The following PPM1L variants were observed in gnomAD, a reference collection of about 807,000 sequenced individuals.
The protein encoded by PPM1L is protein phosphatase, Mg2+/Mn2+ dependent 1L.
Under a neutral mutation model 31.4 loss-of-function variants are expected in PPM1L, and 13 were observed. The ratio of observed to expected loss-of-function variants is 0.41; its 90% CI spans 0.27 to 0.66. The LOEUF (loss-of-function observed/expected upper bound fraction) is 0.66. Ranked by LOEUF, PPM1L falls within the 30% of genes least tolerant of loss-of-function variation. PPM1L has a pLI of 0.29. For synonymous variants in PPM1L, 184 were observed against 175.4 expected (o/e 1.05, Z -0.39); for missense variants, 326 against 453.7 (o/e 0.72, Z 2.56).
chr3:160,963,152 A>G (rs1003244627), intron 2 of PPM1L, among the ~76,000 whole-genome samples: 2 of 152,042 alleles, frequency 1.3e-5, no homozygotes, highest in Non-Finnish European at 2.9e-5. Flanking sequence ...CTTATAGATC[A>G]TAGAACTCAT....
intron 1 of PPM1L, among the ~76,000 whole-genome samples, chr3:160,788,187 C>G (rs1405125176): frequency 1.3e-5 from 2 of 152,184 alleles, no homozygotes; most frequent in East Asian, 3.9e-4. Flanking sequence ...AGCATTGAAT[C>G]TGTAAATTGC....
chr3:160,766,012 A>G (rs1715092969), intron 1 of PPM1L, among the ~76,000 whole-genome samples: 1 of 152,196 alleles, frequency 6.6e-6, no homozygotes, highest in African/African-American at 2.4e-5. Context: ...AGTCAAGCCA[A>G]GCTTTGGTTA....
chr3:160,784,349 G>C (rs1055294891), intron 1 of PPM1L, among the ~76,000 whole-genome samples: 1 of 152,110 alleles, frequency 6.6e-6, no homozygotes, highest in Non-Finnish European at 1.5e-5. Flanking sequence ...AATGTGACTT[G>C]ATATTGATAA....
chr3:161,032,128 A>G (rs1559930971), intron 2 of PPM1L, among the ~76,000 whole-genome samples: 1 of 152,170 alleles, frequency 6.6e-6, no homozygotes. Flanking sequence ...GAGATAACCA[A>G]AGGGCTAAAG....
chr3:160,906,937 G>A (rs1023030860), intron 1 of PPM1L, among the ~76,000 whole-genome samples: 1 of 152,192 alleles, frequency 6.6e-6, no homozygotes, highest in African/African-American at 2.4e-5. Context: ...GAGCAAGACA[G>A]AGTACTTAAG....
At chr3:161,022,694 C>T (rs1453156790) in intron 2 of PPM1L, among the ~76,000 whole-genome samples, 9 of 125,138 alleles carry the variant, frequency 7.2e-5, no homozygotes, top group East Asian at 2.4e-4. Context: ...GATGGAGTCT[C>T]GCTCTGTCAC....
At chr3:160,977,469 T>G (rs1166568281) in intron 2 of PPM1L, among the ~76,000 whole-genome samples, 15 of 152,246 alleles carry the variant, frequency 9.9e-5, no homozygotes, top group Admixed American at 9.8e-4. Flanking sequence ...TGCTAATCTT[T>G]GACTTCTGTA....
chr3:161,059,974 C>A (rs1243901257), intron 2 of PPM1L, among the ~76,000 whole-genome samples: 2 of 152,022 alleles, frequency 1.3e-5, no homozygotes, highest in Non-Finnish European at 2.9e-5. Flanking sequence ...GAATCATGAG[C>A]CAATTAAACC....
At chr3:160,842,167 G>T in intron 1 of PPM1L, 1 of 681,548 alleles carries the variant, frequency 1.5e-6, no homozygotes, top group South Asian at 1.6e-5. Flanking sequence ...TGAAATAGTT[G>T]GGGAGGACTC....
chr3:160,771,397 C>T (rs1459309419), intron 1 of PPM1L, among the ~76,000 whole-genome samples: 2 of 151,766 alleles, frequency 1.3e-5, no homozygotes, highest in Non-Finnish European at 2.9e-5. Flanking sequence ...ACAACCACAC[C>T]AGGCTAATTT....
chr3:161,008,545 G>A (rs1717788727), intron 2 of PPM1L, among the ~76,000 whole-genome samples: 1 of 152,132 alleles, frequency 6.6e-6, no homozygotes, highest in Non-Finnish European at 1.5e-5. Context: ...TTGTCTGCTG[G>A]TTTTCAGCAG....
chr3:160,803,547 A>G (rs1025565808), intron 1 of PPM1L, among the ~76,000 whole-genome samples: 27 of 132,934 alleles, frequency 2.0e-4, no homozygotes, highest in Non-Finnish European at 2.9e-4. Context: ...TTGCACAAAT[A>G]ATTTCTGAAT....
At chr3:160,952,802 A>C (rs1715615942) in intron 1 of PPM1L, among the ~76,000 whole-genome samples, 2 of 152,232 alleles carry the variant, frequency 1.3e-5, no homozygotes, top group Admixed American at 6.5e-5. Context: ...CTGAAGCAGA[A>C]GCCCTGTGTG....
At chr3:160,933,125 G>A (rs1322489418) in intron 1 of PPM1L, among the ~76,000 whole-genome samples, 1 of 152,034 alleles carries the variant, frequency 6.6e-6, no homozygotes, top group Non-Finnish European at 1.5e-5. Flanking sequence ...ATCTGTACTT[G>A]TTTTCTGATA....
At chr3:160,877,726 A>C (rs1712565946) in intron 1 of PPM1L, among the ~76,000 whole-genome samples, 1 of 152,168 alleles carries the variant, frequency 6.6e-6, no homozygotes, top group Non-Finnish European at 1.5e-5. Context: ...GTGATGTCTG[A>C]TGTACGTAGG....
chr3:160,785,450 A>T (rs1711875900), intron 1 of PPM1L, among the ~76,000 whole-genome samples: 2 of 152,182 alleles, frequency 1.3e-5, no homozygotes, highest in African/African-American at 2.4e-5. Context: ...CAAACAGCAT[A>T]AAAATGCTCA....
At chr3:160,807,230 G>A (rs551161970) in intron 1 of PPM1L, among the ~76,000 whole-genome samples, 1 of 152,208 alleles carries the variant, frequency 6.6e-6, no homozygotes, top group Non-Finnish European at 1.5e-5. Flanking sequence ...CTTAACTTTG[G>A]TAGCATATGG....
At chr3:161,047,061 T>C (rs985434646) in intron 2 of PPM1L, among the ~76,000 whole-genome samples, 1 of 152,174 alleles carries the variant, frequency 6.6e-6, no homozygotes, top group Admixed American at 6.5e-5. Flanking sequence ...ACCACGCCTA[T>C]TCAACATAGT....
intron 3 of PPM1L, among the ~76,000 whole-genome samples, chr3:161,065,996 C>T (rs1023784459): frequency 6.6e-6 from 1 of 152,260 alleles, no homozygotes; most frequent in African/African-American, 2.4e-5. Flanking sequence ...TGGAAGCTTT[C>T]CATGTCACAC....
Sources: gnomAD v4.1 joint callset for allele counts (sites outside exome capture counted in the v4.1 genomes callset) on GRCh38, gnomAD v4.1.1 for gene constraint, MANE v1.5 for transcripts, NCBI Gene and HGNC (gene_info 2026-07-23, HGNC 2026-07-21) for gene names.